Variants in BBS2 observed in about 807,000 individuals in gnomAD.
BBS2 encodes Bardet-Biedl syndrome 2.
In BBS2, 62 loss-of-function variants were observed where a neutral mutation model predicts 83.0. The observed-to-expected ratio is 0.75, with a 90% CI of 0.61 to 0.92. BBS2 has a LOEUF of 0.92. BBS2 is among the 40% of genes least tolerant of loss of function. The pLI, the probability that BBS2 is intolerant of heterozygous loss-of-function variation, is 0.00. For missense variants in BBS2, 784 were observed against 901.0 expected (o/e 0.87, Z 1.66); for synonymous variants, 303 against 326.1 (o/e 0.93, Z 0.76).
intron 17 of BBS2, chr16:56,474,999 G>T (rs767780639): frequency 6.9e-6 from 11 of 1,599,944 alleles, no homozygotes; most frequent in Middle Eastern, 1.7e-4. Flanking sequence ...AGGAGGGGCA[G>T]TCTCTTCTGA....
intron 17 of BBS2, among the ~76,000 whole-genome samples, chr16:56,473,040 C>T (rs1044648251): frequency 2.0e-5 from 3 of 152,326 alleles, no homozygotes; most frequent in African/African-American, 7.2e-5. Context: ...AAGCGATTCT[C>T]CTGCCTCAGC....
At chr16:56,493,089 T>TA (rs1187451003) in intron 15 of BBS2, among the ~76,000 whole-genome samples, 2 of 152,020 alleles carry the variant, frequency 1.3e-5, no homozygotes, top group East Asian at 3.9e-4. Flanking sequence ...ATTTTAAATG[T>TA]AAAAAGCAAG....
At chr16:56,512,017 A>G (rs1167307604) in intron 2 of BBS2, among the ~76,000 whole-genome samples, 1 of 152,232 alleles carries the variant, frequency 6.6e-6, no homozygotes, top group African/African-American at 2.4e-5. Context: ...GAGACAAACT[A>G]CCAATAAAAA....
intron 13 of BBS2, 105 bp from the exon 14 acceptor site, chr16:56,497,985 T>A (rs1964160844): frequency 8.6e-7 from 1 of 1,161,020 alleles, no homozygotes; most frequent in African/African-American, 1.5e-5. Flanking sequence ...ATTGTGCATA[T>A]ATATATATAT....
chr16:56,499,427 C>T (rs756658989), intron 12 of BBS2: 2 of 326,686 alleles, frequency 6.1e-6, no homozygotes, highest in African/African-American at 2.2e-5. Flanking sequence ...CACTTAAAGC[C>T]AAAAACGTTC....
At chr16:56,485,768 T>C (rs779609841) in intron 15 of BBS2, 30 bp from the exon 16 acceptor site, 7 of 1,611,790 alleles carry the variant, frequency 4.3e-6, no homozygotes, top group Middle Eastern at 1.7e-4. Flanking sequence ...TTTGACATCA[T>C]TTCATGTTGA....
chr16:56,503,887 C>T (rs1964351295), intron 7 of BBS2, among the ~76,000 whole-genome samples: 1 of 151,236 alleles, frequency 6.6e-6, no homozygotes, highest in Admixed American at 6.6e-5. Flanking sequence ...CCACTGCACT[C>T]CAGCCTGGGT....
chr16:56,475,937 C>T (rs1010650967), intron 17 of BBS2: 8 of 1,014,010 alleles, frequency 7.9e-6, no homozygotes, highest in Non-Finnish European at 1.2e-5. Context: ...ACCCCTCTAT[C>T]CCCAGATTAA....
At chr16:56,486,296 T>C (rs1432038818) in intron 15 of BBS2, among the ~76,000 whole-genome samples, 1 of 152,212 alleles carries the variant, frequency 6.6e-6, no homozygotes, top group Non-Finnish European at 1.5e-5. Flanking sequence ...ACAGGTGATT[T>C]GGCAGTTTCT....
Position 56,502,682 on chromosome 16 carries a change from C to A in BBS2, c.931G>T (p.Asp311Tyr). The change falls in exon 8 of 17, where the codon GAT (aspartate) becomes TAT (tyrosine). Residue 311 changes from aspartate to tyrosine, a missense_variant. Coordinates refer to ENST00000245157, the MANE Select transcript of BBS2 (RefSeq NM_031885.5). ...TCTCATCCCAATTTACTTTCCCCATCCACTGAGCAGCAGATTAACTGTATG... is the reference window on the plus strand; with the variant it reads ...TCTCATCCCAATTTACTTTCCCCATACACTGAGCAGCAGATTAACTGTATG... The part of the protein sequence containing the change: ...GHIQLICCSV[D>Y]GEIRGYLPGT... The A allele has an allele frequency of 1.2e-6, 2 of 1,614,152 alleles. No individual in the cohort carries two copies. The highest frequency in any genetic ancestry group is 1.7e-6 in the Non-Finnish European group (2 of 1,180,030).
chr16:56,485,860 A>G lies in BBS2; in HGVS notation c.1911-122T>C, dbSNP rs1399590436. 32 of 842,744 alleles carry G rather than the reference A, an allele frequency of 3.8e-5. No individual in the cohort carries two copies. In the South Asian group the frequency reaches 4.4e-4, roughly 12 times the overall value. The allele number at this position is 842,744 out of a possible 1,614,324, so 52.2% of individuals were successfully genotyped here. A position where few individuals can be genotyped will look rare whatever the true frequency, so the allele number is the denominator to read the frequency against. Reference sequence around the variant, plus strand: ...ATTTTTAAGCTATATTTTCATTAAAATCGAGTAACTGCTAGTTTGCTTTGA... The same window carrying G: ...ATTTTTAAGCTATATTTTCATTAAAGTCGAGTAACTGCTAGTTTGCTTTGA... On this transcript the variant is annotated intron_variant, in intron 15 of 16. Transcript: ENST00000245157.
intron 15 of BBS2, among the ~76,000 whole-genome samples, chr16:56,486,102 T>G (rs12596017): frequency 1.3e-5 from 2 of 152,092 alleles, no homozygotes; most frequent in Non-Finnish European, 2.9e-5. Context: ...CAACTCAGCC[T>G]TGTATTTTAT....
chr16:56,511,799 T>C (rs1232631878), intron 2 of BBS2, among the ~76,000 whole-genome samples: 1 of 152,252 alleles, frequency 6.6e-6, no homozygotes, highest in South Asian at 2.1e-4. Context: ...GATGTGACCT[T>C]GAAATAGGCA....
chr16:56,501,774 A>G, intron 9 of BBS2: 1 of 469,064 alleles, frequency 2.1e-6, no homozygotes, highest in Non-Finnish European at 3.9e-6. Flanking sequence ...TTTTAAAGTA[A>G]GCAAACAAAT....
Position 56,476,035 on chromosome 16 carries a change from CTT to C in BBS2, c.*1-5342_*1-5341del, listed in dbSNP as rs1275364691. ...TGTTCTGATGTGTCACTGTATTTGTCTTTTTCAGCTGCTAACAGTGAATCCAG... is the reference window on the plus strand; with the variant it reads ...TGTTCTGATGTGTCACTGTATTTGTCTTTCAGCTGCTAACAGTGAATCCAG... On this transcript the variant is annotated intron_variant, in intron 17 of 17. Transcript: ENST00000682047. 1.9e-6 allele frequency: 3 copies of C among 1,605,716 alleles called. No individual in the cohort carries two copies. The Admixed American group carries it at 5.2e-5, about 28-fold the overall frequency.
At chr16:56,506,857 A>G (rs1964435449) in intron 5 of BBS2, among the ~76,000 whole-genome samples, 1 of 152,234 alleles carries the variant, frequency 6.6e-6, no homozygotes, top group Non-Finnish European at 1.5e-5. Flanking sequence ...ACATCCTTAA[A>G]AGGATAAAAT....
intron 15 of BBS2, 74 bp from the exon 16 acceptor site, chr16:56,485,812 TAGACA>T: frequency 7.1e-7 from 1 of 1,412,810 alleles, no homozygotes; most frequent in South Asian, 1.2e-5. Flanking sequence ...GCAAATTTCT[TAGACA>T]TACAAAGAAA....
At chr16:56,507,956 G>A (rs548161252) in intron 5 of BBS2, among the ~76,000 whole-genome samples, 39 of 152,124 alleles carry the variant, frequency 2.6e-4, no homozygotes, top group Middle Eastern at 3.4e-3. Flanking sequence ...CGACAAGAGC[G>A]AAACTCCATC....
chr16:56,491,062 A>AT (rs1963937600), intron 15 of BBS2, among the ~76,000 whole-genome samples: 1 of 152,180 alleles, frequency 6.6e-6, no homozygotes. Context: ...CGCCTGGCCC[A>AT]TTAAAGCAAA....
Sources: gnomAD v4.1 joint callset for allele counts (sites outside exome capture counted in the v4.1 genomes callset) on GRCh38, gnomAD v4.1.1 for gene constraint, MANE v1.5 for transcripts, NCBI Gene and HGNC (gene_info 2026-07-23, HGNC 2026-07-21) for gene names.